The following HYDIN variants were observed in gnomAD, a reference collection of about 807,000 sequenced individuals.
HYDIN encodes axonemal central pair apparatus protein HYDIN.
HYDIN carries 132 observed loss-of-function variants against 403.9 expected under a neutral mutation model. The ratio of observed to expected loss-of-function variants is 0.33; its 90% CI spans 0.28 to 0.38. HYDIN has a LOEUF of 0.38. Ranked by LOEUF, HYDIN falls within the 10% of genes least tolerant of loss-of-function variation. The probability of loss-of-function intolerance (pLI) is 1.00; values close to 1 mark genes in which losing one functional copy is unlikely to be tolerated. For missense variants in HYDIN, 2,827 were observed against 5,009.5 expected (o/e 0.56, Z 13.15); for synonymous variants, 1,202 against 1,891.7 (o/e 0.64, Z 9.46).
At chr16:71,080,378 ATATAAAC>A in intron 12 of HYDIN, 1 of 152,118 alleles carries the variant, frequency 6.6e-6, no homozygotes. Context: ...CCATGCTTTC[ATATAAAC>A]TGTTCCAATT....
intron 3 of HYDIN, 58 bp downstream of exon 3, chr16:71,184,807 G>A: frequency 6.9e-7 from 1 of 1,458,358 alleles, no homozygotes; most frequent in Non-Finnish European, 9.3e-7. Context: ...TATTGTTCTG[G>A]AATTTTGGTG....
chr16:71,005,148 T>A (rs895796265), intron 23 of HYDIN, among the ~76,000 whole-genome samples: 7 of 151,956 alleles, frequency 4.6e-5, no homozygotes, highest in Admixed American at 3.9e-4. Flanking sequence ...GACCAGAAGA[T>A]TTTTTTTAGT....
chr16:71,170,167 T>A (rs2144625603), intron 5 of HYDIN, among the ~76,000 whole-genome samples: 1 of 152,314 alleles, frequency 6.6e-6, no homozygotes, highest in African/African-American at 2.4e-5. Context: ...GATCAAGCAT[T>A]TCTCCTATCT....
chr16:70,841,383 G>A (rs1032622382), intron 75 of HYDIN, among the ~76,000 whole-genome samples: 1 of 152,058 alleles, frequency 6.6e-6, no homozygotes, highest in African/African-American at 2.4e-5. Flanking sequence ...AAAAGGAATA[G>A]GTCCCTTCTG....
At position 71,003,346 on chromosome 16, in the gene HYDIN, A is replaced by G. The variant is rs1489870891; in HGVS notation, c.3645-11136T>C. ...CTGAACTGAGCCTTTTAAATCAATG[A>G]AACAAGTATGTCTCACCATTTATTT... is the stretch of plus-strand genomic sequence containing the variant. On this transcript the variant is annotated intron_variant, in intron 23 of 85. Transcript: ENST00000393567. Among the ~76,000 whole-genome samples, 3 of 152,090 alleles carry G rather than the reference A, an allele frequency of 2.0e-5. No individual in the cohort carries two copies. In the East Asian group the frequency reaches 5.8e-4, roughly 29 times the overall value.
At chr16:70,931,101 T>C (rs2143845205) in intron 45 of HYDIN, among the ~76,000 whole-genome samples, 1 of 152,182 alleles carries the variant, frequency 6.6e-6, no homozygotes, top group Middle Eastern at 3.4e-3. Context: ...AAAAATACAG[T>C]ATCTGAAATA....
intron 80 of HYDIN, among the ~76,000 whole-genome samples, chr16:70,831,822 GAA>G (rs2037022212): frequency 7.5e-6 from 1 of 132,614 alleles, no homozygotes; most frequent in Admixed American, 7.8e-5. Context: ...ATTCAGTAGA[GAA>G]AAGAGTCTTT....
At chr16:71,033,467 A>G (rs907773485) in intron 18 of HYDIN, among the ~76,000 whole-genome samples, 5 of 152,206 alleles carry the variant, frequency 3.3e-5, no homozygotes, top group African/African-American at 9.7e-5. Flanking sequence ...GAATGAGGTC[A>G]TGTCCTTTGC....
intron 44 of HYDIN, among the ~76,000 whole-genome samples, chr16:70,936,858 T>C (rs2077507651): frequency 6.6e-6 from 1 of 151,384 alleles, no homozygotes. Context: ...AAGCAGTTTC[T>C]ATGGTGGCTA....
intron 12 of HYDIN, among the ~76,000 whole-genome samples, chr16:71,083,297 AT>A (rs1211481705): frequency 2.6e-5 from 4 of 151,818 alleles, no homozygotes; most frequent in South Asian, 2.1e-4. Context: ...TCAGTGCTCC[AT>A]TTTTTTTCAT....
intron 6 of HYDIN, among the ~76,000 whole-genome samples, chr16:71,156,221 G>A (rs1431184456): frequency 4.6e-5 from 7 of 152,166 alleles, no homozygotes; most frequent in Non-Finnish European, 1.5e-5. Flanking sequence ...GTTCCACGGA[G>A]TGGTAAGGGT....
intron 83 of HYDIN, among the ~76,000 whole-genome samples, chr16:70,821,994 T>C (rs1282484289): frequency 6.6e-6 from 1 of 152,206 alleles, no homozygotes; most frequent in Non-Finnish European, 1.5e-5. Flanking sequence ...GTACAGGAGA[T>C]GAATGTTGTT....
In HYDIN at chr16:71,129,792, CCTT is replaced by C; in HGVS notation, c.1072_1074del (p.Lys358del). The stretch of plus-strand genomic sequence containing the variant: ...TCTTCAAAAAACTCATCAGTCTCAT[CCTT>C]CTCCTCTTTGATCAGATCATCACAG... On this transcript the variant is annotated inframe_deletion, in exon 9 of 86. Coordinates refer to ENST00000393567, the MANE Select transcript of HYDIN (RefSeq NM_001270974.2). 1.9e-6 allele frequency: 3 copies of C among 1,612,472 alleles called. No homozygotes were observed.
chr16:71,137,770 TGCTCAA>T (rs1254427225), intron 7 of HYDIN, among the ~76,000 whole-genome samples: 1 of 152,140 alleles, frequency 6.6e-6, no homozygotes, highest in Non-Finnish European at 1.5e-5. Context: ...TAAGAAGAGC[TGCTCAA>T]TATGAGAGAA....
intron 1 of HYDIN, among the ~76,000 whole-genome samples, chr16:71,187,882 C>G (rs2087233602): frequency 1.3e-5 from 2 of 152,078 alleles, no homozygotes; most frequent in Non-Finnish European, 2.9e-5. Flanking sequence ...AAACAGAAGA[C>G]AGTCAAGGAA....
Position 71,176,611 on chromosome 16 carries a change from T to C in HYDIN, c.382-870A>G, listed in dbSNP as rs1370788609. 2.0e-5 allele frequency among the ~76,000 whole-genome samples: 3 copies of C among 152,072 alleles called. No homozygotes were observed. The East Asian group carries it at 5.8e-4, about 29-fold the overall frequency. Reference sequence around the variant, plus strand: ...AGCCAAACTCCACCCCACCTCTCCATGGGATGGTCCTGAGTAAACACCACA... The same window carrying C: ...AGCCAAACTCCACCCCACCTCTCCACGGGATGGTCCTGAGTAAACACCACA... On this transcript the variant is annotated intron_variant, in intron 4 of 85. Transcript: ENST00000393567.
intron 41 of HYDIN, among the ~76,000 whole-genome samples, chr16:70,949,116 T>A (rs1014097543): frequency 2.0e-5 from 3 of 152,040 alleles, no homozygotes. Flanking sequence ...CACCATGGAA[T>A]ACTATGCAGC....
chr16:71,012,839 C>T (rs2080134124), intron 23 of HYDIN, among the ~76,000 whole-genome samples: 1 of 147,830 alleles, frequency 6.8e-6, no homozygotes, highest in Admixed American at 6.7e-5. Flanking sequence ...TGTCTGGAAA[C>T]CAGGTGGCTT....
chr16:71,092,527 C>T (rs1407386736), intron 11 of HYDIN, among the ~76,000 whole-genome samples: 7 of 152,172 alleles, frequency 4.6e-5, no homozygotes, highest in African/African-American at 1.4e-4. Context: ...AATAGTTAAT[C>T]GTACCTCACA....
Sources: gnomAD v4.1 joint callset for allele counts (sites outside exome capture counted in the v4.1 genomes callset) on GRCh38, gnomAD v4.1.1 for gene constraint, MANE v1.5 for transcripts, NCBI Gene and HGNC (gene_info 2026-07-23, HGNC 2026-07-21) for gene names.